GRIK1: variants seen among roughly 807,000 people sequenced by gnomAD.
The protein encoded by GRIK1 is glutamate ionotropic receptor kainate type subunit 1.
In GRIK1, 69 loss-of-function variants were observed where a neutral mutation model predicts 105.7. The ratio of observed to expected loss-of-function variants is 0.65; its 90% CI spans 0.54 to 0.80. The LOEUF is 0.80. Among genes scored for constraint, GRIK1 ranks in the 30% least tolerant of loss-of-function variants. GRIK1 has a pLI of 0.00. For missense variants in GRIK1, 1,109 were observed against 1,167.3 expected, an observed-to-expected ratio of 0.95 and a Z score of 0.73; for synonymous variants, 438 against 431.3, an observed-to-expected ratio of 1.02 and a Z score of -0.19.
intron 12 of GRIK1, among the ~76,000 whole-genome samples, chr21:29,585,448 G>A (rs535887376): frequency 1.4e-4 from 22 of 152,184 alleles, no homozygotes; most frequent in African/African-American, 3.6e-4. Context: ...TGCTGCTGGC[G>A]TTTCTTCTCC....
chr21:29,589,156 C>T (rs2061293400), intron 10 of GRIK1, 114 bp from the exon 11 acceptor site: 1 of 652,208 alleles, frequency 1.5e-6, no homozygotes, highest in South Asian at 1.9e-5. Flanking sequence ...GCTGAGAGTA[C>T]TGAAGTCATT....
chr21:29,824,778 A>G (rs1435783890), intron 1 of GRIK1, among the ~76,000 whole-genome samples: 1 of 152,002 alleles, frequency 6.6e-6, no homozygotes, highest in Non-Finnish European at 1.5e-5. Flanking sequence ...TTTTAGTTTA[A>G]TGGCAATACT....
At chr21:29,651,815 T>C (rs1568934829) in intron 5 of GRIK1, among the ~76,000 whole-genome samples, 1 of 151,826 alleles carries the variant, frequency 6.6e-6, no homozygotes, top group African/African-American at 2.4e-5. Context: ...CAGGCATCTA[T>C]TGGAGGTCTC....
At position 29,590,114 on chromosome 21, in the gene GRIK1, G is replaced by A. The variant is rs572165828; in HGVS notation, c.1365+998C>T. On this transcript the variant is annotated intron_variant, in intron 10 of 17. Coordinates refer to ENST00000327783, the MANE Select transcript of GRIK1 (RefSeq NM_001330994.2). The stretch of plus-strand genomic sequence containing the variant: ...TCATTTGGTTTTATAAAATATAATA[G>A]TTGCTATACTACAGACATATTCTTT... Among the ~76,000 whole-genome samples the A allele has an allele frequency of 4.6e-5, 7 of 152,200 alleles. No individual in the cohort carries two copies. In the East Asian group the frequency reaches 9.7e-4, roughly 21 times the overall value.
intron 1 of GRIK1, among the ~76,000 whole-genome samples, chr21:29,877,695 A>G (rs1380134494): frequency 6.6e-6 from 1 of 152,202 alleles, no homozygotes; most frequent in Non-Finnish European, 1.5e-5. Context: ...TATTCTTAAC[A>G]TGATTATTGG....
intron 12 of GRIK1, among the ~76,000 whole-genome samples, chr21:29,583,588 C>T (rs1413338215): frequency 3.3e-5 from 5 of 152,276 alleles, no homozygotes; most frequent in African/African-American, 1.2e-4. Flanking sequence ...GGTCTTGTTT[C>T]ATACTTTGCA....
intron 1 of GRIK1, among the ~76,000 whole-genome samples, chr21:29,856,652 C>T (rs2068473430): frequency 6.6e-6 from 1 of 152,178 alleles, no homozygotes; most frequent in Non-Finnish European, 1.5e-5. Context: ...TCTTGCTCTT[C>T]TGGGGCTTAC....
intron 1 of GRIK1, among the ~76,000 whole-genome samples, chr21:29,782,676 G>A (rs1184370151): frequency 6.6e-6 from 1 of 152,326 alleles, no homozygotes; most frequent in East Asian, 1.9e-4. Context: ...AACGGGCAAA[G>A]ATTTCCCCAT....
chr21:29,827,748 C>A (rs779056288), intron 1 of GRIK1, among the ~76,000 whole-genome samples: 5 of 152,098 alleles, frequency 3.3e-5, no homozygotes, highest in Non-Finnish European at 5.9e-5. Flanking sequence ...TTACCCATTG[C>A]TGTTCAAGTA....
chr21:29,811,237 G>T (rs1212567019), intron 1 of GRIK1, among the ~76,000 whole-genome samples: 1 of 152,052 alleles, frequency 6.6e-6, no homozygotes, highest in Non-Finnish European at 1.5e-5. Context: ...ATGTGCAATT[G>T]GTTGAATTAT....
chr21:29,815,779 C>T (rs1007033471), intron 1 of GRIK1, among the ~76,000 whole-genome samples: 3 of 151,958 alleles, frequency 2.0e-5, no homozygotes, highest in Non-Finnish European at 2.9e-5. Flanking sequence ...GTGAAAATTA[C>T]ACCATATGCA....
At chr21:29,796,460 GAA>G (rs2066558284) in intron 1 of GRIK1, among the ~76,000 whole-genome samples, 1 of 151,872 alleles carries the variant, frequency 6.6e-6, no homozygotes, top group African/African-American at 2.4e-5. Context: ...TTTAATTACA[GAA>G]ATTATATCTG....
chr21:29,632,824 C>G lies in GRIK1; in HGVS notation c.1098+10002G>C, dbSNP rs373814518. Among the ~76,000 whole-genome samples, 200 of 152,242 alleles carry G rather than the reference C, an allele frequency of 1.3e-3. 8 individuals are homozygous for G. The South Asian group carries it at 0.04, about 31-fold the overall frequency. Reference sequence around the variant, plus strand: ...TAAACTAAGAAGAGTTTGGCAGAAACCTTCATCTGAGGCCAACACTCCCTT... The same window carrying G: ...TAAACTAAGAAGAGTTTGGCAGAAAGCTTCATCTGAGGCCAACACTCCCTT... On this transcript the variant is annotated intron_variant, in intron 7 of 17. Coordinates refer to ENST00000327783, the MANE Select transcript of GRIK1 (RefSeq NM_001330994.2).
chr21:29,712,465 C>T (rs1796665363), intron 1 of GRIK1, among the ~76,000 whole-genome samples: 2 of 152,006 alleles, frequency 1.3e-5, no homozygotes, highest in African/African-American at 4.8e-5. Flanking sequence ...ACCTAATTGT[C>T]TTCTAGAAAT....
intron 1 of GRIK1, among the ~76,000 whole-genome samples, chr21:29,702,629 T>C (rs2063833793): frequency 6.6e-6 from 1 of 152,132 alleles, no homozygotes; most frequent in African/African-American, 2.4e-5. Context: ...GAGAATCGCT[T>C]GAACTTGAGA....
At chr21:29,913,672 A>AATATATATATATATATAT (rs60924907) in intron 1 of GRIK1, among the ~76,000 whole-genome samples, 5 of 144,584 alleles carry the variant, frequency 3.5e-5, no homozygotes, top group African/African-American at 1.0e-4. Flanking sequence ...AGAAACACTA[A>AATATATATATATATATAT]ATATATATAT....
At chr21:29,861,750 ATGG>A in intron 1 of GRIK1, 1 of 397,328 alleles carries the variant, frequency 2.5e-6, no homozygotes, top group Admixed American at 3.0e-5. Context: ...GCCTGTTGAT[ATGG>A]TGGATTGCAT....
chr21:29,759,415 G>A (rs2142160), intron 1 of GRIK1, among the ~76,000 whole-genome samples: 68,609 of 152,054 alleles, frequency 0.45, 17,462 homozygotes, highest in South Asian at 0.63. Flanking sequence ...ACCACGCCCT[G>A]CCCAGTTCCC....
intron 1 of GRIK1, among the ~76,000 whole-genome samples, chr21:29,850,062 T>C (rs1478745628): frequency 6.6e-6 from 1 of 152,222 alleles, no homozygotes; most frequent in Admixed American, 6.5e-5. Flanking sequence ...AAATAGCATA[T>C]GCCCGTGAAG....
Sources: allele counts gnomAD v4.1 joint callset (sites outside exome capture counted in the v4.1 genomes callset), GRCh38; gene constraint gnomAD v4.1.1; transcripts MANE v1.5; gene names NCBI Gene and HGNC (gene_info 2026-07-23, HGNC 2026-07-21).